The following CNTNAP2 variants were observed in gnomAD, a reference collection of about 807,000 sequenced individuals.
CNTNAP2 encodes contactin-associated protein-like 2.
CNTNAP2 carries 98 observed loss-of-function variants against 155.2 expected under a neutral mutation model. The observed-to-expected ratio is 0.63, with a 90% CI of 0.54 to 0.75. CNTNAP2 has a LOEUF of 0.75. CNTNAP2 is among the 30% of genes least tolerant of loss of function. The pLI is 0.00. For synonymous variants in CNTNAP2, 651 were observed against 631.2 expected (o/e 1.03, Z -0.47); for missense variants, 1,727 against 1,688.1 (o/e 1.02, Z -0.40).
At chr7:147,681,038 A>G (rs2116979653) in intron 13 of CNTNAP2, among the ~76,000 whole-genome samples, 1 of 152,068 alleles carries the variant, frequency 6.6e-6, no homozygotes, top group East Asian at 1.9e-4. Flanking sequence ...TTCAAAGTCC[A>G]TTTCTGTTCC....
chr7:146,322,687 T>A (rs1801027645), intron 1 of CNTNAP2, among the ~76,000 whole-genome samples: 1 of 129,758 alleles, frequency 7.7e-6, no homozygotes, highest in Non-Finnish European at 1.6e-5. Flanking sequence ...TCAGTAGGTC[T>A]TCCCTCAATA....
chr7:147,528,680 G>A (rs931183090), intron 11 of CNTNAP2, among the ~76,000 whole-genome samples: 1 of 152,186 alleles, frequency 6.6e-6, no homozygotes, highest in Non-Finnish European at 1.5e-5. Flanking sequence ...TCCTGGTCAA[G>A]GGAGCTAGGT....
At chr7:147,732,914 T>A (rs1296362311) in intron 13 of CNTNAP2, among the ~76,000 whole-genome samples, 2 of 152,170 alleles carry the variant, frequency 1.3e-5, no homozygotes, top group South Asian at 2.1e-4. Flanking sequence ...GTTTGAGTTC[T>A]TTGTAGATTC....
chr7:147,474,878 T>G (rs1399246201), intron 10 of CNTNAP2, among the ~76,000 whole-genome samples: 2 of 152,146 alleles, frequency 1.3e-5, no homozygotes, highest in African/African-American at 4.8e-5. Flanking sequence ...TGAAGAGTGA[T>G]TCTTGGAGGG....
chr7:146,143,704 G>A (rs1386106553), intron 1 of CNTNAP2, among the ~76,000 whole-genome samples: 4 of 151,808 alleles, frequency 2.6e-5, no homozygotes, highest in African/African-American at 7.3e-5. Context: ...TAATGAATAC[G>A]AACATTTCTA....
chr7:147,334,082 C>G (rs567407891), intron 9 of CNTNAP2, among the ~76,000 whole-genome samples: 1 of 152,248 alleles, frequency 6.6e-6, no homozygotes, highest in East Asian at 1.9e-4. Context: ...ATTTTTCAGT[C>G]CTACTCCCAT....
chr7:148,082,666 A>G (rs1803635701), intron 15 of CNTNAP2, among the ~76,000 whole-genome samples: 2 of 151,952 alleles, frequency 1.3e-5, no homozygotes, highest in Non-Finnish European at 2.9e-5. Context: ...TTGGATTTGA[A>G]GTTTGAGATT....
At chr7:146,554,279 C>T (rs769191612) in intron 1 of CNTNAP2, among the ~76,000 whole-genome samples, 4 of 152,062 alleles carry the variant, frequency 2.6e-5, no homozygotes, top group East Asian at 3.9e-4. Context: ...TAGCTTCTAA[C>T]GACAGTATTT....
chr7:146,348,959 T>A (rs1385374799), intron 1 of CNTNAP2, among the ~76,000 whole-genome samples: 3 of 152,044 alleles, frequency 2.0e-5, no homozygotes, highest in Non-Finnish European at 4.4e-5. Flanking sequence ...ATCTTGCATG[T>A]ATTACCCTTC....
chr7:147,396,197 A>G (rs867706571), intron 10 of CNTNAP2, among the ~76,000 whole-genome samples: 2,973 of 136,546 alleles, frequency 0.022, 105 homozygotes, highest in African/African-American at 0.077. Flanking sequence ...ATATATATAT[A>G]TGTGATAAAA....
At chr7:146,298,043 T>TA (rs1013268113) in intron 1 of CNTNAP2, among the ~76,000 whole-genome samples, 4 of 152,156 alleles carry the variant, frequency 2.6e-5, no homozygotes, top group African/African-American at 7.2e-5. Flanking sequence ...GTCATTAACA[T>TA]ACCCAAAGGA....
intron 12 of CNTNAP2, among the ~76,000 whole-genome samples, chr7:147,583,075 T>C (rs1800539088): frequency 6.6e-6 from 1 of 152,172 alleles, no homozygotes; most frequent in African/African-American, 2.4e-5. Context: ...AGAGACCTTG[T>C]TGAAAACCAA....
chr7:147,132,622 C>G, intron 8 of CNTNAP2, 113 bp downstream of exon 8: 2 of 1,391,680 alleles, frequency 1.4e-6, no homozygotes, highest in Non-Finnish European at 1.0e-6. Flanking sequence ...GGTTTTAATT[C>G]AGATCTTCAA....
intron 3 of CNTNAP2, among the ~76,000 whole-genome samples, chr7:146,885,498 C>T (rs762108069): frequency 2.6e-5 from 4 of 152,202 alleles, no homozygotes; most frequent in East Asian, 3.9e-4. Flanking sequence ...AATGCACACA[C>T]GTTGGCATTG....
chr7:147,713,682 G>A (rs530578979), intron 13 of CNTNAP2, among the ~76,000 whole-genome samples: 5 of 152,176 alleles, frequency 3.3e-5, no homozygotes, highest in Admixed American at 2.6e-4. Flanking sequence ...GGATTGTATG[G>A]TAAGTGAATG....
In CNTNAP2 at chr7:146,399,274, C is replaced by T. The variant is rs568459078; in HGVS notation, c.97+282301C>T. Among the ~76,000 whole-genome samples, 6 of 152,178 alleles carry T rather than the reference C, an allele frequency of 3.9e-5. No individual in the cohort carries two copies. In the East Asian group the frequency reaches 1.2e-3, roughly 29 times the overall value. ...ATACAATCAATCTCTTGAACTTATT[C>T]CCATTGTCTAACTGAAATTTTGTAT... On this transcript the variant is annotated intron_variant, in intron 1 of 23. Coordinates refer to ENST00000361727, the MANE Select transcript of CNTNAP2 (RefSeq NM_014141.6).
chr7:147,610,656 G>A (rs1337230145), intron 12 of CNTNAP2, among the ~76,000 whole-genome samples: 1 of 152,080 alleles, frequency 6.6e-6, no homozygotes, highest in South Asian at 2.1e-4. Context: ...GCTAGCCCAG[G>A]GGAGTTTTAG....
intron 1 of CNTNAP2, among the ~76,000 whole-genome samples, chr7:146,213,495 T>G (rs971366687): frequency 1.3e-5 from 2 of 152,220 alleles, no homozygotes; most frequent in African/African-American, 2.4e-5. Context: ...AGATTCCTTT[T>G]AACTACTTTA....
intron 4 of CNTNAP2, among the ~76,000 whole-genome samples, chr7:147,080,645 T>C (rs1022538474): frequency 2.7e-5 from 4 of 148,506 alleles, no homozygotes; most frequent in Non-Finnish European, 5.9e-5. Flanking sequence ...CATTCATATA[T>C]AACATATATA....
Sources: allele counts gnomAD v4.1 joint callset (sites outside exome capture counted in the v4.1 genomes callset), GRCh38; gene constraint gnomAD v4.1.1; transcripts MANE v1.5; gene names NCBI Gene and HGNC (gene_info 2026-07-23, HGNC 2026-07-21).